Variants in ST8SIA6 observed in about 807,000 individuals in gnomAD.
The protein encoded by ST8SIA6 is ST8 alpha-N-acetyl-neuraminide alpha-2,8-sialyltransferase 6, also known as alpha-2,8-sialyltransferase 8F.
Under a neutral mutation model 33.6 loss-of-function variants are expected in ST8SIA6, and 39 were observed. The observed-to-expected ratio is 1.16, with a 90% CI of 0.90 to 1.52. The LOEUF (loss-of-function observed/expected upper bound fraction) is 1.52. Among genes scored for constraint, ST8SIA6 ranks in the 40% most tolerant of loss-of-function variants. ST8SIA6 has a pLI of 0.00. For synonymous variants in ST8SIA6, 172 were observed against 167.2 expected (o/e 1.03, Z -0.22); for missense variants, 441 against 443.8 (o/e 0.99, Z 0.06).
intron 2 of ST8SIA6, among the ~76,000 whole-genome samples, chr10:17,428,205 T>G (rs188163088): frequency 6.6e-6 from 1 of 152,310 alleles, no homozygotes; most frequent in East Asian, 1.9e-4. Context: ...GCTTTGATGA[T>G]AAGCAGATAA....
intron 3 of ST8SIA6, among the ~76,000 whole-genome samples, chr10:17,380,906 TGTGTGTTTGTGC>T (rs767602817): frequency 2.3e-5 from 3 of 133,282 alleles, no homozygotes; most frequent in Non-Finnish European, 4.8e-5. Flanking sequence ...TATGTGTATA[TGTGTGTTTGTGC>T]GTGTGTGTGT....
chr10:17,431,917 G>A (rs1852114145), intron 2 of ST8SIA6, among the ~76,000 whole-genome samples: 1 of 152,116 alleles, frequency 6.6e-6, no homozygotes, highest in South Asian at 2.1e-4. Flanking sequence ...GTCATATGGT[G>A]AAAAGTGGTA....
At chr10:17,351,850 T>C (rs1207011995) in intron 4 of ST8SIA6, among the ~76,000 whole-genome samples, 2 of 152,132 alleles carry the variant, frequency 1.3e-5, no homozygotes, top group East Asian at 3.9e-4. Flanking sequence ...TCTAAGAAAG[T>C]TGAACTTATA....
chr10:17,435,226 T>C (rs1358871926), intron 2 of ST8SIA6, among the ~76,000 whole-genome samples: 1 of 152,184 alleles, frequency 6.6e-6, no homozygotes, highest in Admixed American at 6.5e-5. Flanking sequence ...CCAAATTCTA[T>C]CACTTCCAGG....
intron 2 of ST8SIA6, among the ~76,000 whole-genome samples, chr10:17,404,143 GT>G (rs1431583582): frequency 6.6e-6 from 1 of 150,624 alleles, no homozygotes; most frequent in Non-Finnish European, 1.5e-5. Flanking sequence ...CATGTGTATT[GT>G]TTTAAGAAGT....
At chr10:17,419,807 T>G (rs75409963) in intron 2 of ST8SIA6, among the ~76,000 whole-genome samples, 2,650 of 152,314 alleles carry the variant, frequency 0.017, 77 homozygotes, top group African/African-American at 0.06. Flanking sequence ...TTAGCTTTTT[T>G]CCTACAATCT....
chr10:17,423,051 C>G (rs189091126), intron 2 of ST8SIA6, among the ~76,000 whole-genome samples: 1 of 152,264 alleles, frequency 6.6e-6, no homozygotes, highest in Admixed American at 6.5e-5. Context: ...ATAGTACTGC[C>G]ATTCATTTGG....
intron 3 of ST8SIA6, among the ~76,000 whole-genome samples, chr10:17,363,239 C>G (rs1588841885): frequency 6.6e-6 from 1 of 152,132 alleles, no homozygotes; most frequent in African/African-American, 2.4e-5. Flanking sequence ...AGTCAATTTT[C>G]TCAATCCAGT....
At chr10:17,330,176 T>G (rs1848250128) in intron 5 of ST8SIA6, among the ~76,000 whole-genome samples, 1 of 152,224 alleles carries the variant, frequency 6.6e-6, no homozygotes, top group Non-Finnish European at 1.5e-5. Context: ...GGAAAGCAGA[T>G]GCAGTTCCCA....
chr10:17,380,861 ATG>A (rs1422491526), intron 3 of ST8SIA6, among the ~76,000 whole-genome samples: 6 of 150,084 alleles, frequency 4.0e-5, no homozygotes, highest in Admixed American at 2.7e-4. Context: ...GTTTGTGTGT[ATG>A]TGTTTGTATG....
intron 2 of ST8SIA6, among the ~76,000 whole-genome samples, chr10:17,416,017 A>G (rs1588904455): frequency 6.6e-6 from 1 of 152,092 alleles, no homozygotes. Flanking sequence ...CATGTTGCCC[A>G]GGCTGGTCTT....
At chr10:17,351,128 C>T (rs1166086574) in intron 4 of ST8SIA6, among the ~76,000 whole-genome samples, 1 of 152,034 alleles carries the variant, frequency 6.6e-6, no homozygotes, top group Admixed American at 6.6e-5. Context: ...CTTCTAATTG[C>T]TCTACTGGGC....
intron 2 of ST8SIA6, among the ~76,000 whole-genome samples, chr10:17,396,925 T>C (rs1179815288): frequency 1.3e-5 from 2 of 152,200 alleles, no homozygotes; most frequent in Non-Finnish European, 2.9e-5. Context: ...ACAACTCACT[T>C]AGTACCTGGC....
chr10:17,441,304 C>CCTTATTTATTTATTTA (rs1554803814), intron 2 of ST8SIA6, among the ~76,000 whole-genome samples: 1 of 148,126 alleles, frequency 6.8e-6, no homozygotes, highest in African/African-American at 2.5e-5. Flanking sequence ...TCTAAATTAT[C>CCTTATTTATTTATTTA]TTTATTTATT....
At chr10:17,450,095 A>G (rs1338642727) in intron 2 of ST8SIA6, among the ~76,000 whole-genome samples, 1 of 152,208 alleles carries the variant, frequency 6.6e-6, no homozygotes, top group African/African-American at 2.4e-5. Context: ...CTGTGGAGCT[A>G]GCTAGCAACA....
chr10:17,400,906 C>T (rs563425713), intron 2 of ST8SIA6, among the ~76,000 whole-genome samples: 51 of 152,300 alleles, frequency 3.3e-4, no homozygotes, highest in African/African-American at 1.2e-3. Flanking sequence ...TCCTATTCAA[C>T]AAAGTGTTGG....
chr10:17,377,496 G>C (rs1849957458), intron 3 of ST8SIA6, among the ~76,000 whole-genome samples: 1 of 152,172 alleles, frequency 6.6e-6, no homozygotes, highest in Admixed American at 6.5e-5. Flanking sequence ...GCTATGTGCT[G>C]CACCCTTGTG....
chr10:17,440,649 C>T (rs988779685), intron 2 of ST8SIA6, among the ~76,000 whole-genome samples: 4 of 152,162 alleles, frequency 2.6e-5, no homozygotes, highest in Non-Finnish European at 2.9e-5. Flanking sequence ...TCTTATCCTC[C>T]TCTAACCCTA....
intron 2 of ST8SIA6, among the ~76,000 whole-genome samples, chr10:17,414,471 T>TA (rs1851544632): frequency 6.6e-6 from 1 of 152,236 alleles, no homozygotes. Context: ...CCACTGTATC[T>TA]AAAAATCTCT....
Sources: allele counts gnomAD v4.1 joint callset (sites outside exome capture counted in the v4.1 genomes callset), GRCh38; gene constraint gnomAD v4.1.1; transcripts MANE v1.5; gene names NCBI Gene and HGNC (gene_info 2026-07-23, HGNC 2026-07-21).